PRKG1: variants seen among roughly 807,000 people sequenced by gnomAD.
PRKG1 encodes protein kinase cGMP-dependent 1.
PRKG1 carries 35 observed loss-of-function variants against 88.1 expected under a neutral mutation model. The ratio of observed to expected loss-of-function variants is 0.40; its 90% CI spans 0.30 to 0.53. PRKG1 has a LOEUF of 0.53. Ranked by LOEUF, PRKG1 falls within the 20% of genes least tolerant of loss-of-function variation. PRKG1 has a pLI of 0.59. For missense variants in PRKG1, 540 were observed against 839.8 expected (o/e 0.64, Z 4.41); for synonymous variants, 303 against 292.5 (o/e 1.04, Z -0.37).
intron 1 of PRKG1, among the ~76,000 whole-genome samples, chr10:51,130,351 C>G (rs186605913): frequency 7.2e-5 from 11 of 152,132 alleles, no homozygotes; most frequent in Non-Finnish European, 1.3e-4. Context: ...GTGAGAATCC[C>G]TGCCTAAGTG....
intron 5 of PRKG1, among the ~76,000 whole-genome samples, chr10:52,023,906 C>CT (rs1845256845): frequency 6.6e-6 from 1 of 152,168 alleles, no homozygotes; most frequent in African/African-American, 2.4e-5. Flanking sequence ...TGCAGAAGCT[C>CT]TTTAGCTTAA....
chr10:51,154,347 G>C (rs9415733), intron 2 of PRKG1, among the ~76,000 whole-genome samples: 85,736 of 151,562 alleles, frequency 0.57, 25,354 homozygotes, highest in African/African-American at 0.76. Context: ...ATGTTGGGGG[G>C]ACTGCTGACT....
chr10:52,089,400 C>A (rs1846995281), intron 7 of PRKG1, among the ~76,000 whole-genome samples: 6 of 152,264 alleles, frequency 3.9e-5, no homozygotes, highest in South Asian at 2.1e-4. Flanking sequence ...TGAAAAAATT[C>A]TCCTCTAAGT....
intron 3 of PRKG1, among the ~76,000 whole-genome samples, chr10:51,477,129 T>G (rs1011960006): frequency 3.3e-5 from 5 of 151,852 alleles, no homozygotes; most frequent in Non-Finnish European, 5.9e-5. Context: ...GCAGTTGATA[T>G]ATGAAAATTG....
At chr10:52,209,277 T>C (rs1335215773) in intron 9 of PRKG1, among the ~76,000 whole-genome samples, 1 of 152,218 alleles carries the variant, frequency 6.6e-6, no homozygotes, top group African/African-American at 2.4e-5. Flanking sequence ...TGTGTTTCAA[T>C]ACAACTTTAT....
chr10:51,146,431 A>G (rs1334236483), intron 1 of PRKG1, among the ~76,000 whole-genome samples: 1 of 149,508 alleles, frequency 6.7e-6, no homozygotes, highest in Non-Finnish European at 1.5e-5. Flanking sequence ...TCAAATTATT[A>G]TTATTATTAT....
chr10:51,716,022 T>C (rs932677627), intron 3 of PRKG1, among the ~76,000 whole-genome samples: 3 of 152,242 alleles, frequency 2.0e-5, no homozygotes, highest in African/African-American at 7.2e-5. Context: ...GGCTTCTTGC[T>C]ATGTGGATGT....
intron 3 of PRKG1, among the ~76,000 whole-genome samples, chr10:51,746,739 AAAAGAAAAAAAGAAAAG>A (rs1837590146): frequency 6.6e-6 from 1 of 151,936 alleles, no homozygotes; most frequent in Non-Finnish European, 1.5e-5. Flanking sequence ...AATAAAAAGA[AAAAGAAAAAAAGAAAAG>A]AAAGAAAAAA....
chr10:51,192,140 TA>T (rs112798339), intron 2 of PRKG1, among the ~76,000 whole-genome samples: 1,631 of 146,856 alleles, frequency 0.011, 21 homozygotes, highest in African/African-American at 0.033. Context: ...TGTACTTCAT[TA>T]AAAAAAAAAA....
chr10:51,053,664 A>C (rs546780446), intron 1 of PRKG1, among the ~76,000 whole-genome samples: 1 of 152,292 alleles, frequency 6.6e-6, no homozygotes, highest in South Asian at 2.1e-4. Flanking sequence ...AAACAATAAA[A>C]CTTTGGGTTT....
chr10:51,463,132 T>C (rs546295870), intron 2 of PRKG1, among the ~76,000 whole-genome samples: 1 of 152,276 alleles, frequency 6.6e-6, no homozygotes, highest in African/African-American at 2.4e-5. Flanking sequence ...AAATCTAACA[T>C]ATTTGAAACT....
chr10:51,204,364 C>A (rs1837990054), intron 2 of PRKG1, among the ~76,000 whole-genome samples: 1 of 123,172 alleles, frequency 8.1e-6, no homozygotes, highest in Non-Finnish European at 1.7e-5. Flanking sequence ...TTGAGTAGAC[C>A]TCCGTGTGTG....
intron 5 of PRKG1, among the ~76,000 whole-genome samples, chr10:51,999,726 G>A (rs1844545057): frequency 1.3e-5 from 2 of 151,872 alleles, no homozygotes; most frequent in African/African-American, 4.8e-5. Flanking sequence ...GAGGATCTTT[G>A]ATAATTTAAA....
At chr10:51,674,686 T>A (rs74828130) in intron 3 of PRKG1, among the ~76,000 whole-genome samples, 3,183 of 152,290 alleles carry the variant, frequency 0.021, 50 homozygotes, top group Non-Finnish European at 0.033. Context: ...TAAGTTAGAT[T>A]TCAACTCAAT....
chr10:51,392,954 A>G (rs191280349), intron 2 of PRKG1, among the ~76,000 whole-genome samples: 67,238 of 103,546 alleles, frequency 0.65, 18,228 homozygotes, highest in African/African-American at 0.7. Flanking sequence ...GGCCGGGCTG[A>G]GGGCTGACCC....
chr10:52,195,094 A>G (rs1342321537), intron 9 of PRKG1, among the ~76,000 whole-genome samples: 1 of 152,232 alleles, frequency 6.6e-6, no homozygotes, highest in African/African-American at 2.4e-5. Flanking sequence ...GAAATAGATC[A>G]CATCATTTGG....
chr10:51,925,022 C>A (rs1313695968), intron 5 of PRKG1, among the ~76,000 whole-genome samples: 2 of 151,076 alleles, frequency 1.3e-5, no homozygotes, highest in African/African-American at 4.9e-5. Flanking sequence ...CTGATAGTTA[C>A]AAAATTTCTG....
intron 3 of PRKG1, among the ~76,000 whole-genome samples, chr10:51,799,273 C>T (rs936256778): frequency 1.3e-5 from 2 of 151,994 alleles, no homozygotes; most frequent in Non-Finnish European, 2.9e-5. Flanking sequence ...GCCTCAGTAT[C>T]AAGTTATAAT....
intron 9 of PRKG1, among the ~76,000 whole-genome samples, chr10:52,212,911 A>G (rs1273136791): frequency 2.0e-5 from 3 of 152,204 alleles, no homozygotes; most frequent in Admixed American, 6.5e-5. Context: ...TTGAACAGGA[A>G]TTTCAACATA....
Sources: allele counts gnomAD v4.1 joint callset (sites outside exome capture counted in the v4.1 genomes callset), GRCh38; gene constraint gnomAD v4.1.1; transcripts MANE v1.5; gene names NCBI Gene and HGNC (gene_info 2026-07-23, HGNC 2026-07-21).